The following TAPT1 variants were observed in gnomAD, a reference collection of about 807,000 sequenced individuals.
TAPT1 encodes transmembrane anterior posterior transformation protein 1 homolog.
Under a neutral mutation model 65.6 loss-of-function variants are expected in TAPT1, and 28 were observed. The ratio of observed to expected loss-of-function variants is 0.43; its 90% CI spans 0.32 to 0.59. TAPT1 has a LOEUF of 0.59. Among genes scored for constraint, TAPT1 ranks in the 20% least tolerant of loss-of-function variants. The probability of loss-of-function intolerance (pLI) is 0.09; values close to 1 mark genes in which losing one functional copy is unlikely to be tolerated. For missense variants in TAPT1, 563 were observed against 679.9 expected, an observed-to-expected ratio of 0.83 and a Z score of 1.91; for synonymous variants, 278 against 245.2, an observed-to-expected ratio of 1.13 and a Z score of -1.25.
At chr4:16,185,999 T>G (rs143314350) in intron 7 of TAPT1, among the ~76,000 whole-genome samples, 2 of 152,368 alleles carry the variant, frequency 1.3e-5, no homozygotes, top group African/African-American at 4.8e-5. Context: ...CTGGGACTGT[T>G]CTTGGGGGCT....
intron 2 of TAPT1, among the ~76,000 whole-genome samples, chr4:16,206,986 C>T (rs1750385590): frequency 6.6e-6 from 1 of 152,164 alleles, no homozygotes; most frequent in Non-Finnish European, 1.5e-5. Context: ...ACTACCACCA[C>T]AAGCAGGGTG....
chr4:16,188,118 A>T, intron 5 of TAPT1, 102 bp downstream of exon 5: 1 of 987,098 alleles, frequency 1.0e-6, no homozygotes, highest in Non-Finnish European at 1.5e-6. Flanking sequence ...CAGGATACAT[A>T]CATTATCTAT....
chr4:16,165,642 C>T (rs908380348), intron 13 of TAPT1, among the ~76,000 whole-genome samples: 2 of 152,078 alleles, frequency 1.3e-5, no homozygotes, highest in South Asian at 4.2e-4. Context: ...CAGGGAACTG[C>T]CACCTAACAA....
At chr4:16,192,005 C>CTT (rs1349270670) in intron 3 of TAPT1, among the ~76,000 whole-genome samples, 1 of 152,190 alleles carries the variant, frequency 6.6e-6, no homozygotes, top group East Asian at 1.9e-4. Context: ...TAGTGTTCCA[C>CTT]TATGTGGATG....
At chr4:16,211,520 G>A (rs1490952159) in intron 2 of TAPT1, among the ~76,000 whole-genome samples, 1 of 152,130 alleles carries the variant, frequency 6.6e-6, no homozygotes, top group African/African-American at 2.4e-5. Context: ...AGAAAATCAT[G>A]ATGTTCTTTT....
intron 7 of TAPT1, among the ~76,000 whole-genome samples, chr4:16,183,667 T>A (rs960328270): frequency 1.3e-5 from 2 of 152,196 alleles, no homozygotes; most frequent in African/African-American, 4.8e-5. Flanking sequence ...AGGAGGTTAC[T>A]AATATGAATT....
intron 2 of TAPT1, among the ~76,000 whole-genome samples, chr4:16,205,206 TAAAC>T (rs1249978504): frequency 2.6e-5 from 4 of 152,294 alleles, no homozygotes; most frequent in African/African-American, 9.6e-5. Context: ...AATTTCAAAA[TAAAC>T]AAAATGTTAT....
At chr4:16,212,557 C>T (rs767744844) in intron 2 of TAPT1, among the ~76,000 whole-genome samples, 2 of 152,336 alleles carry the variant, frequency 1.3e-5, no homozygotes, top group East Asian at 1.9e-4. Context: ...GCTGTTGCTG[C>T]GCTGGAGAGG....
intron 2 of TAPT1, among the ~76,000 whole-genome samples, chr4:16,203,607 CACAG>C (rs1466695935): frequency 6.6e-6 from 1 of 152,094 alleles, no homozygotes; most frequent in African/African-American, 2.4e-5. Context: ...TGGACACAGG[CACAG>C]ACAGAGGAGA....
intron 2 of TAPT1, among the ~76,000 whole-genome samples, chr4:16,211,920 T>C (rs1027238738): frequency 1.3e-5 from 2 of 152,208 alleles, no homozygotes; most frequent in African/African-American, 4.8e-5. Flanking sequence ...GAAAACAATT[T>C]ATACTCATAA....
At chr4:16,177,344 A>G (rs1191205293) in intron 8 of TAPT1, among the ~76,000 whole-genome samples, 1 of 152,200 alleles carries the variant, frequency 6.6e-6, no homozygotes, top group African/African-American at 2.4e-5. Context: ...ACCTCCTAAG[A>G]ACTTGGAAAA....
intron 3 of TAPT1, among the ~76,000 whole-genome samples, chr4:16,195,716 T>C (rs1049231635): frequency 6.6e-6 from 1 of 152,260 alleles, no homozygotes; most frequent in Non-Finnish European, 1.5e-5. Flanking sequence ...CATCTCTAGT[T>C]GTTTCAAAGG....
chr4:16,218,974 C>T (rs1751100432), intron 1 of TAPT1, among the ~76,000 whole-genome samples: 1 of 152,094 alleles, frequency 6.6e-6, no homozygotes, highest in African/African-American at 2.4e-5. Context: ...CTGGATTCTA[C>T]CTCTAGATAT....
intron 13 of TAPT1, among the ~76,000 whole-genome samples, chr4:16,166,264 C>T (rs1012632957): frequency 6.6e-5 from 10 of 152,212 alleles, no homozygotes; most frequent in South Asian, 4.1e-4. Context: ...TCCCTTTCCC[C>T]GTCCTGCTTT....
chr4:16,188,760 A>G (rs1330777098), intron 4 of TAPT1, among the ~76,000 whole-genome samples: 1 of 152,136 alleles, frequency 6.6e-6, no homozygotes, highest in Non-Finnish European at 1.5e-5. Flanking sequence ...CTCTACTAAA[A>G]ATACAAAAAA....
intron 13 of TAPT1, 62 bp downstream of exon 13, chr4:16,166,571 T>C (rs1747635286): frequency 6.3e-7 from 1 of 1,585,860 alleles, no homozygotes; most frequent in Non-Finnish European, 8.6e-7. Context: ...TTAACATTGA[T>C]CAAACTGTGA....
At chr4:16,211,248 ATAT>A (rs563619292) in intron 2 of TAPT1, among the ~76,000 whole-genome samples, 40 of 152,164 alleles carry the variant, frequency 2.6e-4, no homozygotes, top group Middle Eastern at 3.4e-3. Context: ...AATGAGTAAG[ATAT>A]TATATATTAG....
chr4:16,215,154 G>A (rs1750863934), intron 1 of TAPT1, among the ~76,000 whole-genome samples: 1 of 152,100 alleles, frequency 6.6e-6, no homozygotes. Context: ...AGCCGGGCGT[G>A]CCGGTGGGCG....
At chr4:16,200,884 A>G (rs1749988801) in intron 3 of TAPT1, among the ~76,000 whole-genome samples, 1 of 152,206 alleles carries the variant, frequency 6.6e-6, no homozygotes, top group African/African-American at 2.4e-5. Context: ...CTTGTTAATA[A>G]TAAGGCCTTC....
Sources: allele counts gnomAD v4.1 joint callset (sites outside exome capture counted in the v4.1 genomes callset), GRCh38; gene constraint gnomAD v4.1.1; transcripts MANE v1.5; gene names NCBI Gene and HGNC (gene_info 2026-07-23, HGNC 2026-07-21).